The following UHRF2 variants were observed in gnomAD, a reference collection of about 807,000 sequenced individuals.
UHRF2 encodes the protein E3 ubiquitin-protein ligase UHRF2.
Under a neutral mutation model 96.8 loss-of-function variants are expected in UHRF2, and 23 were observed. The ratio of observed to expected loss-of-function variants is 0.24; its 90% CI spans 0.17 to 0.34. The LOEUF (loss-of-function observed/expected upper bound fraction) is 0.34, where lower values mean the gene tolerates loss of function less well. UHRF2 is among the 10% of genes least tolerant of loss of function. The pLI, the probability that UHRF2 is intolerant of heterozygous loss-of-function variation, is 1.00. For missense variants in UHRF2, 685 were observed against 981.5 expected, an observed-to-expected ratio of 0.70 and a Z score of 4.04; for synonymous variants, 385 against 332.6, an observed-to-expected ratio of 1.16 and a Z score of -1.72.
At chr9:6,477,570 A>T in intron 5 of UHRF2, 52 bp from the exon 6 acceptor site, 4 of 1,485,328 alleles carry the variant, frequency 2.7e-6, no homozygotes, top group Non-Finnish European at 3.6e-6. Flanking sequence ...TGAGATTCAT[A>T]GATATAAAAA....
In UHRF2 at chr9:6,506,063, G is replaced by A. The variant is rs749288613; in HGVS notation, c.2293G>A (p.Val765Ile). The change falls in exon 16 of 16, where the codon GTT becomes ATT. Residue 765 changes from valine to isoleucine, a missense_variant. Val to Ile is a conservative substitution (Grantham distance 29). This residue lies in a region of UHRF2 where 71 missense variants were observed against 114.1 expected (regional missense o/e 0.62). Transcript: ENST00000276893. ...DCLQRSFKAQ[V>I]FSCPACRHDL... ...CCTACAGCGCTCCTTTAAGGCACAGGTTTTCTCCTGCCCTGCTTGCCGGCA... is the reference window on the plus strand; with the variant it reads ...CCTACAGCGCTCCTTTAAGGCACAGATTTTCTCCTGCCCTGCTTGCCGGCA... 6.2e-7 allele frequency: 1 copy of A among 1,614,134 alleles called. No homozygotes were observed. The highest frequency in any genetic ancestry group is 1.1e-5 in the South Asian group (1 of 91,080).
chr9:6,470,086 C>A (rs1314414574), intron 4 of UHRF2, among the ~76,000 whole-genome samples: 1 of 152,074 alleles, frequency 6.6e-6, no homozygotes, highest in Non-Finnish European at 1.5e-5. Flanking sequence ...TAAAAACATT[C>A]CCAGCTGGGC....
chr9:6,483,411 C>G (rs58756210), intron 8 of UHRF2, among the ~76,000 whole-genome samples: 8 of 150,714 alleles, frequency 5.3e-5, no homozygotes, highest in Non-Finnish European at 1.0e-4. Context: ...TATGTTAAAT[C>G]ACCTCTAGAT....
At chr9:6,468,391 A>G (rs998368024) in intron 4 of UHRF2, 5 of 454,162 alleles carry the variant, frequency 1.1e-5, no homozygotes, top group Admixed American at 7.1e-5. Flanking sequence ...GCTTTTAGCT[A>G]AAACAACTAA....
At chr9:6,504,897 A>G (rs553743059) in intron 15 of UHRF2, among the ~76,000 whole-genome samples, 2 of 152,290 alleles carry the variant, frequency 1.3e-5, no homozygotes, top group East Asian at 3.9e-4. Flanking sequence ...CATTTGAGAT[A>G]TTCTATCATG....
intron 3 of UHRF2, among the ~76,000 whole-genome samples, chr9:6,445,981 C>CCCTT (rs1554624504): frequency 2.5e-5 from 2 of 78,896 alleles, no homozygotes; most frequent in Non-Finnish European, 4.6e-5. Context: ...CCCCGCCACC[C>CCCTT]TTTTTTTTTT....
At chr9:6,434,375 A>G in intron 3 of UHRF2, 1 of 557,448 alleles carries the variant, frequency 1.8e-6, no homozygotes, top group Admixed American at 3.6e-5. Flanking sequence ...TAAGTGGTTT[A>G]TTTTTTAGTA....
intron 3 of UHRF2, among the ~76,000 whole-genome samples, chr9:6,438,013 C>G (rs1820954317): frequency 6.6e-6 from 1 of 152,144 alleles, no homozygotes; most frequent in South Asian, 2.1e-4. Context: ...GCTCTCATGC[C>G]TTAAAAACAA....
chr9:6,477,108 C>T (rs1163054348), intron 5 of UHRF2, among the ~76,000 whole-genome samples: 2 of 152,078 alleles, frequency 1.3e-5, no homozygotes, highest in Non-Finnish European at 2.9e-5. Context: ...TGGCAGGCGC[C>T]TGTAATCCCA....
intron 2 of UHRF2, among the ~76,000 whole-genome samples, chr9:6,424,503 A>G (rs998411193): frequency 1.3e-5 from 2 of 152,178 alleles, no homozygotes; most frequent in African/African-American, 4.8e-5. Flanking sequence ...TATTTGTGTT[A>G]CCACCTCCAT....
intron 3 of UHRF2, among the ~76,000 whole-genome samples, chr9:6,450,466 T>A (rs1356966704): frequency 6.6e-6 from 1 of 152,196 alleles, no homozygotes; most frequent in Non-Finnish European, 1.5e-5. Context: ...TGATTTAAAC[T>A]CTGTTAGATA....
rs1429647436 is a variant in UHRF2, at chr9:6,433,949, T to C, written c.420T>C (p.Leu140=). 2 of 1,611,832 alleles carry C rather than the reference T, an allele frequency of 1.2e-6. No individual in the cohort carries two copies. The highest frequency in any genetic ancestry group is 1.3e-5 in the African/African-American group (1 of 74,922). ...TGGTGGATGCCAGAGATGTCGGCCTTGGTGCTTGGTTTGAAGCACACATAC... is the reference window on the plus strand; with the variant it reads ...TGGTGGATGCCAGAGATGTCGGCCTCGGTGCTTGGTTTGAAGCACACATAC... The part of the protein sequence containing the change: ...NELVDARDVG[L]GAWFEAHIHS... The change falls in exon 3 of 16, where the codon CTT becomes CTC. Residue 140 remains leucine (L), a synonymous_variant. Transcript: ENST00000276893.
chr9:6,491,135 T>A (rs1824630737), intron 9 of UHRF2, among the ~76,000 whole-genome samples: 3 of 152,214 alleles, frequency 2.0e-5, no homozygotes, highest in Admixed American at 2.0e-4. Context: ...TGGTGACCTC[T>A]TCTGAGAAGT....
intron 5 of UHRF2, 88 bp from the exon 6 acceptor site, chr9:6,477,534 A>T (rs1470836737): frequency 2.3e-6 from 3 of 1,291,138 alleles, no homozygotes; most frequent in South Asian, 1.6e-5. Flanking sequence ...TTCAAAAAAA[A>T]TGCTGTTTCC....
At chr9:6,451,032 C>G (rs1479674050) in intron 3 of UHRF2, among the ~76,000 whole-genome samples, 1 of 152,168 alleles carries the variant, frequency 6.6e-6, no homozygotes, top group Non-Finnish European at 1.5e-5. Context: ...AGGGTTACAA[C>G]TTAACCTCTG....
intron 2 of UHRF2, among the ~76,000 whole-genome samples, chr9:6,431,314 A>G (rs1265713643): frequency 1.3e-5 from 2 of 152,144 alleles, no homozygotes; most frequent in African/African-American, 4.8e-5. Flanking sequence ...TAGTAGGATA[A>G]TCCTTTTTTT....
chr9:6,415,529 TAAC>T (rs1477309430), intron 1 of UHRF2: 2 of 152,202 alleles, frequency 1.3e-5, no homozygotes, highest in African/African-American at 4.8e-5. Flanking sequence ...CTGTAGCAGG[TAAC>T]TACTGGAATG....
intron 5 of UHRF2, among the ~76,000 whole-genome samples, chr9:6,476,683 C>T (rs952386727): frequency 6.6e-6 from 1 of 152,132 alleles, no homozygotes. Flanking sequence ...CAACCTCTGC[C>T]TCCCGGGTTC....
intron 3 of UHRF2, among the ~76,000 whole-genome samples, chr9:6,450,774 G>T (rs1821809239): frequency 6.6e-6 from 1 of 152,114 alleles, no homozygotes; most frequent in African/African-American, 2.4e-5. Context: ...AGTTTAAAGT[G>T]ACATAATAGT....
Sources: allele counts gnomAD v4.1 joint callset (sites outside exome capture counted in the v4.1 genomes callset), GRCh38; gene constraint gnomAD v4.1.1; regional missense constraint gnomAD v4.1.1; transcripts MANE v1.5; gene names NCBI Gene and HGNC (gene_info 2026-07-23, HGNC 2026-07-21).